UBE3D: variants seen among roughly 807,000 people sequenced by gnomAD.
UBE3D encodes E3 ubiquitin-protein ligase E3D.
UBE3D carries 48 observed loss-of-function variants against 49.6 expected under a neutral mutation model. That is an observed-to-expected ratio of 0.97 (90% CI 0.77 to 1.23). The LOEUF (loss-of-function observed/expected upper bound fraction) is 1.23. Among genes scored for constraint, UBE3D ranks in the 50% most tolerant of loss-of-function variants. The pLI, the probability that UBE3D is intolerant of heterozygous loss-of-function variation, is 0.00. For missense variants in UBE3D, 452 were observed against 468.4 expected, an observed-to-expected ratio of 0.96 and a Z score of 0.32; for synonymous variants, 189 against 174.2, an observed-to-expected ratio of 1.08 and a Z score of -0.67.
intron 9 of UBE3D, among the ~76,000 whole-genome samples, chr6:82,912,178 C>A (rs967024746): frequency 6.7e-6 from 1 of 149,556 alleles, no homozygotes; most frequent in African/African-American, 2.5e-5. Flanking sequence ...TTCTTCCATG[C>A]TTTTTTTTTT....
At chr6:83,023,308 A>T (rs1042982536) in intron 6 of UBE3D, among the ~76,000 whole-genome samples, 4 of 152,228 alleles carry the variant, frequency 2.6e-5, no homozygotes, top group African/African-American at 9.6e-5. Flanking sequence ...AAATAAGCAT[A>T]GAAAACTTTC....
rs113425086 is a variant in UBE3D at position 83,003,191 on chromosome 6, TA to T, written c.1010+15781del. 5.5e-3 allele frequency among the ~76,000 whole-genome samples: 843 copies of T among 152,228 alleles called. 12 individuals carry two copies. Among genetic ancestry groups the T allele is most frequent in the African/African-American group, 0.019 (780 of 41,530 alleles). On this transcript the variant is annotated intron_variant, in intron 8 of 9. Coordinates refer to ENST00000369747, the MANE Select transcript of UBE3D (RefSeq NM_198920.3). Reference sequence around the variant, plus strand: ...CTATCTCACATACGATTAGAAAACATAGAACAGAGAAGAAACAATTTTATTT... The same window carrying T: ...CTATCTCACATACGATTAGAAAACATGAACAGAGAAGAAACAATTTTATTT...
Position 82,930,738 on chromosome 6 carries a change from G to A in UBE3D, c.1149+26574C>T, listed in dbSNP as rs186168272. ...GAGAGATATGATTAGGGTATCTAGC[G>A]GAAGAAATTTCTAAGTGGCAAAGTG... On this transcript the variant is annotated intron_variant, in intron 9 of 9. Transcript: ENST00000369747. 6.6e-3 allele frequency among the ~76,000 whole-genome samples: 1,000 copies of A among 152,232 alleles called. 9 individuals are homozygous for A. Among genetic ancestry groups the A allele is most frequent in the Middle Eastern group, 0.027 (8 of 294 alleles).
At chr6:82,965,867 C>T (rs948276522) in intron 8 of UBE3D, among the ~76,000 whole-genome samples, 15 of 152,252 alleles carry the variant, frequency 9.9e-5, no homozygotes, top group African/African-American at 2.9e-4. Context: ...TATCTCCACA[C>T]GCCCCCAACC....
chr6:83,032,231 T>G, intron 5 of UBE3D: 2 of 456,094 alleles, frequency 4.4e-6, no homozygotes, highest in Non-Finnish European at 8.8e-6. Flanking sequence ...AGAAGCTGGG[T>G]GGGGCCGTAC....
At chr6:82,981,775 C>T (rs146277446) in intron 8 of UBE3D, among the ~76,000 whole-genome samples, 2 of 151,826 alleles carry the variant, frequency 1.3e-5, no homozygotes, top group African/African-American at 4.8e-5. Context: ...TGAGAAGAAC[C>T]TTAAAAAAAA....
chr6:82,934,652 C>T (rs1356461011), intron 9 of UBE3D, among the ~76,000 whole-genome samples: 2 of 151,772 alleles, frequency 1.3e-5, no homozygotes, highest in East Asian at 3.9e-4. Flanking sequence ...ATGAAGACAT[C>T]TAATTTAGCC....
chr6:83,060,370 T>G (rs1344750228), intron 1 of UBE3D, among the ~76,000 whole-genome samples: 1 of 152,138 alleles, frequency 6.6e-6, no homozygotes, highest in Admixed American at 6.5e-5. Context: ...GCGAGGAAAC[T>G]AGAATAGACC....
At chr6:82,883,859 TA>T in the UBE3D span, among the ~76,000 whole-genome samples, 1 of 152,168 alleles carries the variant, frequency 6.6e-6, no homozygotes, top group Non-Finnish European at 1.5e-5. Context: ...CAAAAAAAAG[TA>T]ATTAAATTTT....
At chr6:83,008,547 G>A (rs535813169) in intron 8 of UBE3D, among the ~76,000 whole-genome samples, 4 of 152,270 alleles carry the variant, frequency 2.6e-5, no homozygotes, top group South Asian at 4.1e-4. Flanking sequence ...AGAGAGATGT[G>A]TATCTATTGC....
At chr6:82,884,609 C>A in the UBE3D span, among the ~76,000 whole-genome samples, 3 of 152,160 alleles carry the variant, frequency 2.0e-5, no homozygotes, top group Non-Finnish European at 2.9e-5. Context: ...TTCATTTCAA[C>A]AATGTGTTGA....
chr6:82,978,463 A>G (rs1191086451), intron 8 of UBE3D, among the ~76,000 whole-genome samples: 1 of 152,164 alleles, frequency 6.6e-6, no homozygotes, highest in African/African-American at 2.4e-5. Context: ...TAAACATAGA[A>G]AAGTTTTCAT....
rs111847999 is a variant in UBE3D at position 83,044,289 on chromosome 6, G to A, written c.597+139C>T. 680 of 767,694 alleles carry A rather than the reference G, an allele frequency of 8.9e-4. 2 individuals carry two copies. The highest frequency in any genetic ancestry group is 8.7e-3 in the African/African-American group (497 of 57,062). The allele number at this position is 767,694 out of a possible 1,614,324, so 47.6% of individuals were successfully genotyped here. On this transcript the variant is annotated intron_variant, in intron 4 of 9. Coordinates refer to ENST00000369747, the MANE Select transcript of UBE3D (RefSeq NM_198920.3). ...GCTCTTCCTGTTTTGATAAAGCAAC[G>A]ATAGCGATGACAGTTGAAAATAATG...
chr6:83,029,855 G>A, intron 5 of UBE3D, among the ~76,000 whole-genome samples: 1 of 152,142 alleles, frequency 6.6e-6, no homozygotes, highest in Non-Finnish European at 1.5e-5. Context: ...TCCCTAGCAA[G>A]TATCCACTGT....
intron 9 of UBE3D, among the ~76,000 whole-genome samples, chr6:82,953,408 A>T (rs1157244098): frequency 1.3e-5 from 2 of 152,210 alleles, no homozygotes; most frequent in Admixed American, 6.5e-5. Flanking sequence ...TGCAGTTTCA[A>T]TGTGGATACC....
chr6:83,017,598 G>A (rs1780783409), intron 8 of UBE3D: 1 of 152,044 alleles, frequency 6.6e-6, no homozygotes, highest in South Asian at 2.1e-4. Context: ...CATCAGATAG[G>A]CAAAAATCTA....
chr6:83,040,023 C>T (rs72903816), intron 4 of UBE3D, among the ~76,000 whole-genome samples: 6 of 152,142 alleles, frequency 3.9e-5, no homozygotes, highest in Non-Finnish European at 7.4e-5. Context: ...CTTCAAGAAA[C>T]TTTTATTTGA....
the UBE3D span, among the ~76,000 whole-genome samples, chr6:82,886,327 C>G: frequency 6.6e-6 from 1 of 152,112 alleles, no homozygotes; most frequent in African/African-American, 2.4e-5. Context: ...ATAAGGAGCA[C>G]GCAACCTAGA....
At chr6:82,931,526 G>A (rs2127744930) in intron 9 of UBE3D, among the ~76,000 whole-genome samples, 1 of 152,360 alleles carries the variant, frequency 6.6e-6, no homozygotes. Context: ...GCTGCCCAAA[G>A]CCATGGGAGC....
Sources: gnomAD v4.1 joint callset for allele counts (sites outside exome capture counted in the v4.1 genomes callset) on GRCh38, gnomAD v4.1.1 for gene constraint, MANE v1.5 for transcripts, NCBI Gene and HGNC (gene_info 2026-07-23, HGNC 2026-07-21) for gene names.